Variants in PNKD observed in about 807,000 individuals in gnomAD.
PNKD encodes the protein PNKD metallo-beta-lactamase domain containing.
PNKD carries 36 observed loss-of-function variants against 45.3 expected under a neutral mutation model. The observed-to-expected ratio is 0.80, with a 90% confidence interval of 0.61 to 1.05. The LOEUF (loss-of-function observed/expected upper bound fraction) is 1.05, where lower values mean the gene tolerates loss of function less well. Among genes scored for constraint, PNKD ranks in the 50% least tolerant of loss-of-function variants. The pLI, the probability that PNKD is intolerant of heterozygous loss-of-function variation, is 0.00. For synonymous variants in PNKD, 197 were observed against 210.1 expected (o/e 0.94, Z 0.54); for missense variants, 511 against 506.6 (o/e 1.01, Z -0.08).
chr2:218,320,614 G>A (rs1004717105), intron 2 of PNKD, among the ~76,000 whole-genome samples: 1 of 152,166 alleles, frequency 6.6e-6, no homozygotes, highest in African/African-American at 2.4e-5. Context: ...GGCACAAAAG[G>A]GGACATGCTT....
rs1487510791 is a variant in PNKD, at chr2:218,346,599, C to T, written c.*1618C>T. The T allele has an allele frequency of 6.5e-6, 1 of 154,032 alleles. No individual in the cohort carries two copies. The highest frequency in any genetic ancestry group is 2.4e-5 in the African/African-American group (1 of 41,468). The allele number at this position is 154,032 out of a possible 1,614,324, so 9.5% of individuals were successfully genotyped here. On this transcript the variant is annotated 3_prime_UTR_variant, in exon 10 of 10. Coordinates refer to ENST00000273077, the MANE Select transcript of PNKD (RefSeq NM_015488.5). Reference sequence around the variant, plus strand: ...CCCTCCCCTCCAGGCTACCTCTGCACTTTGTCAATGCTTCTCTTGTGGCAC... The same window carrying T: ...CCCTCCCCTCCAGGCTACCTCTGCATTTTGTCAATGCTTCTCTTGTGGCAC...
intron 2 of PNKD, chr2:218,272,660 G>C: frequency 6.2e-7 from 1 of 1,614,212 alleles, no homozygotes; most frequent in Non-Finnish European, 8.5e-7. Flanking sequence ...AGGCTCGGCA[G>C]AACATGCGGT....
At chr2:218,309,390 G>T (rs148418050) in intron 2 of PNKD, among the ~76,000 whole-genome samples, 7,358 of 125,232 alleles carry the variant, frequency 0.059, 270 homozygotes, top group Middle Eastern at 0.078. Context: ...CTGCACTCCA[G>T]CCTGGGCAAC....
At position 218,273,021 on chromosome 2, in the gene PNKD, C is replaced by G. The variant is rs1690912709; in HGVS notation, c.236+1472C>G. 1.0e-5 allele frequency: 11 copies of G among 1,048,272 alleles called. No individual in the cohort carries two copies. The South Asian group carries it at 1.8e-4, about 18-fold the overall frequency. 64.9% of individuals were successfully genotyped at this position (1,048,272 alleles called of 1,614,324 possible). A position where few individuals can be genotyped will look rare whatever the true frequency, so the allele number is the denominator to read the frequency against. On this transcript the variant is annotated intron_variant, in intron 2 of 9. Coordinates refer to ENST00000273077, the MANE Select transcript of PNKD (RefSeq NM_015488.5). ...GGCTGGTTACTCATGTGTGCTCCCT[C>G]TCACAGAGCTCAGTGTTCCCAGCTG...
chr2:218,311,396 G>A (rs989069817), intron 2 of PNKD, among the ~76,000 whole-genome samples: 6 of 152,194 alleles, frequency 3.9e-5, no homozygotes, highest in African/African-American at 7.2e-5. Flanking sequence ...GACCCGCACC[G>A]GTGCCGGCCT....
In PNKD at chr2:218,281,942, T is replaced by G. The variant is rs534943687; in HGVS notation, c.236+10393T>G. On this transcript the variant is annotated intron_variant, in intron 2 of 9. Transcript: ENST00000273077. ...CCATCTGCCCTTCCAGGACTCACCG[T>G]AGTTCATGGGCATCGGGTGGGTGGG... The G allele has an allele frequency of 3.8e-6, 6 of 1,594,374 alleles. No individual in the cohort carries two copies. The African/African-American group carries it at 6.7e-5, about 18-fold the overall frequency.
At chr2:218,290,948 C>T (rs956339924) in intron 2 of PNKD, among the ~76,000 whole-genome samples, 2 of 152,170 alleles carry the variant, frequency 1.3e-5, no homozygotes, top group Non-Finnish European at 2.9e-5. Flanking sequence ...ACTCTCTGGT[C>T]GTCCCAGTTC....
At chr2:218,339,080 G>A (rs752929777) in intron 2 of PNKD, among the ~76,000 whole-genome samples, 1 of 152,026 alleles carries the variant, frequency 6.6e-6, no homozygotes, top group African/African-American at 2.4e-5. Flanking sequence ...ACAGGTGTGA[G>A]CCACTGTACC....
intron 2 of PNKD, chr2:218,277,487 T>G (rs753163287): frequency 1.2e-6 from 2 of 1,611,704 alleles, no homozygotes; most frequent in African/African-American, 2.7e-5. Context: ...ACAAGAGGCA[T>G]TAAGCCACGT....
At chr2:218,299,286 C>T (rs573498859) in intron 2 of PNKD, among the ~76,000 whole-genome samples, 4 of 152,124 alleles carry the variant, frequency 2.6e-5, no homozygotes, top group Non-Finnish European at 5.9e-5. Flanking sequence ...GGATTACAGG[C>T]ACCCGCCACC....
chr2:218,298,469 G>C (rs1375233477), intron 2 of PNKD, among the ~76,000 whole-genome samples: 1 of 152,190 alleles, frequency 6.6e-6, no homozygotes, highest in Non-Finnish European at 1.5e-5. Flanking sequence ...TAACTGCTGT[G>C]AGCCTTGGCA....
chr2:218,303,542 T>A (rs1235673864), intron 2 of PNKD, among the ~76,000 whole-genome samples: 1 of 149,308 alleles, frequency 6.7e-6, no homozygotes, highest in Non-Finnish European at 1.5e-5. Context: ...GAGGTGTCAA[T>A]ACCCCACGAC....
At chr2:218,275,334 C>G in intron 2 of PNKD, 1 of 1,183,524 alleles carries the variant, frequency 8.4e-7, no homozygotes, top group Non-Finnish European at 1.1e-6. Context: ...GAGAGGCCAC[C>G]TGTCTCCAGG....
At chr2:218,273,237 G>A (rs963816083) in intron 2 of PNKD, among the ~76,000 whole-genome samples, 8 of 151,900 alleles carry the variant, frequency 5.3e-5, no homozygotes, top group Non-Finnish European at 1.0e-4. Flanking sequence ...CAAATGACTC[G>A]ACTCTGGGCC....
chr2:218,321,906 G>A (rs1377361799), intron 2 of PNKD, among the ~76,000 whole-genome samples: 4 of 150,224 alleles, frequency 2.7e-5, no homozygotes, highest in Non-Finnish European at 4.4e-5. Flanking sequence ...GATTAAGCGT[G>A]AGCCACCGCT....
intron 2 of PNKD, among the ~76,000 whole-genome samples, chr2:218,316,364 G>C (rs1484947309): frequency 7.0e-6 from 1 of 142,374 alleles, no homozygotes; most frequent in Non-Finnish European, 1.5e-5. Context: ...CCACCTCCCA[G>C]GTTCAAGTGA....
At chr2:218,316,414 C>T (rs1258499803) in intron 2 of PNKD, among the ~76,000 whole-genome samples, 1 of 151,948 alleles carries the variant, frequency 6.6e-6, no homozygotes, top group African/African-American at 2.4e-5. Context: ...GGATTACAGG[C>T]ACCCGCCACC....
chr2:218,335,480 TG>T (rs1201216458), intron 2 of PNKD, among the ~76,000 whole-genome samples: 2 of 151,432 alleles, frequency 1.3e-5, no homozygotes, highest in Non-Finnish European at 2.9e-5. Flanking sequence ...AAACTCCATC[TG>T]GAAAAAAAAA....
At chr2:218,270,690 C>G (rs540357644) in intron 1 of PNKD, 88 bp downstream of exon 1, 10 of 443,414 alleles carry the variant, frequency 2.3e-5, no homozygotes, top group African/African-American at 1.8e-4. Flanking sequence ...GGTCAGGGCT[C>G]TTGGTTCCTC....
Sources: gnomAD v4.1 joint callset for allele counts (sites outside exome capture counted in the v4.1 genomes callset) on GRCh38, gnomAD v4.1.1 for gene constraint, MANE v1.5 for transcripts, NCBI Gene and HGNC (gene_info 2026-07-23, HGNC 2026-07-21) for gene names.